Variants in HEBP2 observed in about 807,000 individuals in gnomAD.
HEBP2 encodes the protein heme-binding protein 2.
HEBP2 carries 27 observed loss-of-function variants against 23.1 expected under a neutral mutation model. That is an observed-to-expected ratio of 1.17 (90% CI 0.86 to 1.61). HEBP2 has a LOEUF of 1.61. HEBP2 is among the 40% of genes most tolerant of loss of function. The pLI is 0.00. For synonymous variants in HEBP2, 99 were observed against 95.1 expected, an observed-to-expected ratio of 1.04 and a Z score of -0.24; for missense variants, 245 against 253.8, an observed-to-expected ratio of 0.97 and a Z score of 0.24.
Position 138,420,344 on chromosome 6 carries a change from G to C in HEBP2, c.*7266G>C, listed in dbSNP as rs976159618. 6.6e-6 allele frequency: 1 copy of C among 152,208 alleles called. No individual in the cohort carries two copies. Among genetic ancestry groups the C allele is most frequent in the Non-Finnish European group, 1.5e-5 (1 of 68,058 alleles). 9.4% of individuals were successfully genotyped at this position (152,208 alleles called of 1,614,324 possible). On this transcript the variant is annotated 3_prime_UTR_variant, in exon 4 of 4. Coordinates refer to ENST00000607197, the MANE Select transcript of HEBP2 (RefSeq NM_014320.3). ...CTCCTCTTTCAACATTTATCCTCAGGAAGAGAGGTCCATTGGCGCCCTGAA... is the reference window on the plus strand; with the variant it reads ...CTCCTCTTTCAACATTTATCCTCAGCAAGAGAGGTCCATTGGCGCCCTGAA...
At position 138,406,015 on chromosome 6, in the gene HEBP2, C is replaced by A. The variant is rs1469673836; in HGVS notation, c.283C>A (p.Pro95Thr). ...AGCTCCAGTGACAAGCTACGTGGAG[C>A]CTGGTTCAGGTCCTTTTAGTGAGTC... Reference protein sequence around the residue: ...MTAPVTSYVEPGSGPFSESTI... With the variant: ...MTAPVTSYVETGSGPFSESTI... The change falls in exon 3 of 4, where the codon CCT becomes ACT. Residue 95 changes from proline to threonine, a missense_variant. Transcript: ENST00000607197. 1.2e-6 allele frequency: 2 copies of A among 1,613,800 alleles called. No individual in the cohort carries two copies. The highest frequency in any genetic ancestry group is 1.7e-5 in the Admixed American group (1 of 59,976).
At chr6:138,409,230 C>G (rs968338328) in intron 3 of HEBP2, among the ~76,000 whole-genome samples, 1 of 152,050 alleles carries the variant, frequency 6.6e-6, no homozygotes, top group Non-Finnish European at 1.5e-5. Flanking sequence ...TGCCCAGGCT[C>G]GTCTTGAACT....
At chr6:138,405,782 G>C (rs549528428) in intron 2 of HEBP2, among the ~76,000 whole-genome samples, 189 bp from the exon 3 acceptor site, 11 of 152,302 alleles carry the variant, frequency 7.2e-5, no homozygotes, top group African/African-American at 2.4e-4. Flanking sequence ...CAGTATTACA[G>C]AAAGTGGTTT....
In HEBP2 at chr6:138,413,126, C is replaced by G. The variant is rs1299175669; in HGVS notation, c.*48C>G. The G allele has an allele frequency of 7.0e-7, 1 of 1,420,274 alleles. No individual in the cohort carries two copies. The highest frequency in any genetic ancestry group is 1.4e-5 in the African/African-American group (1 of 70,770). 88.0% of individuals were successfully genotyped at this position (1,420,274 alleles called of 1,614,324 possible). On this transcript the variant is annotated 3_prime_UTR_variant, in exon 4 of 4. Coordinates refer to ENST00000607197, the MANE Select transcript of HEBP2 (RefSeq NM_014320.3). Reference sequence around the variant, plus strand: ...TGTCAGAGGCAAAACATCTGTTTATCATAGACATCAACATGACCTATAAGT... The same window carrying G: ...TGTCAGAGGCAAAACATCTGTTTATGATAGACATCAACATGACCTATAAGT...
At chr6:138,411,644 T>C (rs1774746834) in intron 3 of HEBP2, among the ~76,000 whole-genome samples, 1 of 152,214 alleles carries the variant, frequency 6.6e-6, no homozygotes. Context: ...CACAACACTT[T>C]GATCCTGTCC....
chr6:138,419,186 C>T lies in HEBP2; in HGVS notation c.*6108C>T, dbSNP rs369175077. 8.5e-5 allele frequency: 13 copies of T among 152,270 alleles called. No homozygotes were observed. Among genetic ancestry groups the T allele is most frequent in the African/African-American group, 3.1e-4 (13 of 41,532 alleles). The allele number at this position is 152,270 out of a possible 1,614,324, so 9.4% of individuals were successfully genotyped here. A position where few individuals can be genotyped will look rare whatever the true frequency, so the allele number is the denominator to read the frequency against. On this transcript the variant is annotated 3_prime_UTR_variant, in exon 4 of 4. Coordinates refer to ENST00000607197, the MANE Select transcript of HEBP2 (RefSeq NM_014320.3). ...GATGGAGGCTATGGATGGAACCCAC[C>T]AACATGGGCTCCCACTTACCAAGGC...
chr6:138,409,373 T>A (rs1236747637), intron 3 of HEBP2, among the ~76,000 whole-genome samples: 1 of 142,450 alleles, frequency 7.0e-6, no homozygotes. Context: ...TTCCTGACAA[T>A]TGATTGTCAA....
chr6:138,403,573 C>T (rs1371762213), upstream of HEBP2: 3 of 466,956 alleles, frequency 6.4e-6, no homozygotes, highest in East Asian at 3.5e-5. Flanking sequence ...GATGGGAGTC[C>T]TCTGGGGGGC....
chr6:138,412,782 C>T, intron 3 of HEBP2, 98 bp from the exon 4 acceptor site: 1 of 999,058 alleles, frequency 1.0e-6, no homozygotes, highest in Non-Finnish European at 1.5e-6. Context: ...AGCTGCACTT[C>T]ACTCAGCATT....
At position 138,416,683 on chromosome 6, in the gene HEBP2, G is replaced by A. The variant is rs540724416; in HGVS notation, c.*3605G>A. Reference sequence around the variant, plus strand: ...AACCACTAAGCTCCAAATGGCAGCCGAGGGGTCCTGACCTGTAAAGTCTCA... The same window carrying A: ...AACCACTAAGCTCCAAATGGCAGCCAAGGGGTCCTGACCTGTAAAGTCTCA... On this transcript the variant is annotated 3_prime_UTR_variant, in exon 4 of 4. Transcript: ENST00000607197. 26 of 152,366 alleles carry A rather than the reference G, an allele frequency of 1.7e-4. No individual in the cohort carries two copies. The East Asian group carries it at 1.7e-3, about 10-fold the overall frequency. 9.4% of individuals were successfully genotyped at this position (152,366 alleles called of 1,614,324 possible). A position where few individuals can be genotyped will look rare whatever the true frequency, so the allele number is the denominator to read the frequency against.
At chr6:138,412,768 T>A (rs1445237390) in intron 3 of HEBP2, 112 bp from the exon 4 acceptor site, 1 of 899,264 alleles carries the variant, frequency 1.1e-6, no homozygotes, top group African/African-American at 1.7e-5. Context: ...GGGAGTAACT[T>A]TGGAGCTGCA....
chr6:138,413,588 C>T lies in HEBP2; in HGVS notation c.*510C>T, dbSNP rs551363211. ...CTTTCCCTCCTGCATCCTCCCACTG[C>T]CCCACTGCACAAGAATACTCCATGT... On this transcript the variant is annotated 3_prime_UTR_variant, in exon 4 of 4. Coordinates refer to ENST00000607197, the MANE Select transcript of HEBP2 (RefSeq NM_014320.3). 6.5e-6 allele frequency: 1 copy of T among 154,194 alleles called. No homozygotes were observed. Among genetic ancestry groups the T allele is most frequent in the South Asian group, 2.0e-4 (1 of 4,952 alleles). 9.6% of individuals were successfully genotyped at this position (154,194 alleles called of 1,614,324 possible). A position where few individuals can be genotyped will look rare whatever the true frequency, so the allele number is the denominator to read the frequency against.
In HEBP2 at chr6:138,418,384, C is replaced by A. The variant is rs1774871029; in HGVS notation, c.*5306C>A. 1 of 152,210 alleles carries A rather than the reference C, an allele frequency of 6.6e-6. No homozygotes were observed. Among genetic ancestry groups the A allele is most frequent in the South Asian group, 2.1e-4 (1 of 4,820 alleles). 9.4% of individuals were successfully genotyped at this position (152,210 alleles called of 1,614,324 possible). A position where few individuals can be genotyped will look rare whatever the true frequency, so the allele number is the denominator to read the frequency against. On this transcript the variant is annotated 3_prime_UTR_variant, in exon 4 of 4. Coordinates refer to ENST00000607197, the MANE Select transcript of HEBP2 (RefSeq NM_014320.3). ...GGTGGTTCTAACCACAGGAGAGGATCATATGCTTTTTGAAAAACAGCCTCT... is the reference window on the plus strand; with the variant it reads ...GGTGGTTCTAACCACAGGAGAGGATAATATGCTTTTTGAAAAACAGCCTCT...
Position 138,418,685 on chromosome 6 carries a change from T to G in HEBP2, c.*5607T>G, listed in dbSNP as rs1251996004. The G allele has an allele frequency of 6.6e-6, 1 of 152,190 alleles. No homozygotes were observed. The highest frequency in any genetic ancestry group is 1.5e-5 in the Non-Finnish European group (1 of 68,056). 9.4% of individuals were successfully genotyped at this position (152,190 alleles called of 1,614,324 possible). A position where few individuals can be genotyped will look rare whatever the true frequency, so the allele number is the denominator to read the frequency against. On this transcript the variant is annotated 3_prime_UTR_variant, in exon 4 of 4. Coordinates refer to ENST00000607197, the MANE Select transcript of HEBP2 (RefSeq NM_014320.3). ...TGTGGTTGTTGGAGGACCTGTATGA[T>G]CCACTGAAGGAAGAGGAATGCTTGG...
At position 138,404,606 on chromosome 6, in the gene HEBP2, C is replaced by G. The variant is rs1774604360; in HGVS notation, c.102+9C>G. 7.9e-7 allele frequency: 1 copy of G among 1,271,908 alleles called. No individual in the cohort carries two copies. The highest frequency in any genetic ancestry group is 1.6e-5 in the African/African-American group (1 of 64,480). 78.8% of individuals were successfully genotyped at this position (1,271,908 alleles called of 1,614,324 possible). A position where few individuals can be genotyped will look rare whatever the true frequency, so the allele number is the denominator to read the frequency against. On this transcript the variant is annotated intron_variant, in intron 1 of 3. Transcript: ENST00000607197. ...AGGACGCCGGCCCCCAGGTAGGCGC[C>G]GACTCGGGAGCGGAGGGGCTGGGCC...
chr6:138,416,265 G>C lies in HEBP2; in HGVS notation c.*3187G>C, dbSNP rs1774840686. ...TGCCAGGAGATAATACAGACTCACT[G>C]CTCTAGGGCAGCTTGGTAGAAGCCT... On this transcript the variant is annotated 3_prime_UTR_variant, in exon 4 of 4. Transcript: ENST00000607197. The C allele has an allele frequency of 1.3e-5, 2 of 152,316 alleles. No individual in the cohort carries two copies. The highest frequency in any genetic ancestry group is 4.8e-5 in the African/African-American group (2 of 41,460). The allele number at this position is 152,316 out of a possible 1,614,324, so 9.4% of individuals were successfully genotyped here.
upstream of HEBP2, chr6:138,403,555 C>T: frequency 2.1e-6 from 1 of 477,364 alleles, no homozygotes. Flanking sequence ...GGAGCTCTGG[C>T]TGCCCACGAT....
rs1295214117 is a variant in HEBP2 at position 138,406,141 on chromosome 6, G to T, written c.409G>T (p.Val137Leu). The change falls in exon 3 of 4, where the codon GTG becomes TTG. Residue 137 changes from valine to leucine, a missense_variant. Coordinates refer to ENST00000607197, the MANE Select transcript of HEBP2 (RefSeq NM_014320.3). Reference protein sequence around the residue: ...VFIEDRAEMTVFVRSFDGFSS... With the variant: ...VFIEDRAEMTLFVRSFDGFSS... ...CATTGAAGATAGAGCCGAAATGACT[G>T]TGTTTGTACGGTAAGTGGTAGATAA... 6.2e-7 allele frequency: 1 copy of T among 1,613,770 alleles called. No individual in the cohort carries two copies. The highest frequency in any genetic ancestry group is 1.1e-5 in the South Asian group (1 of 90,954).
At chr6:138,405,393 TCAAA>T in intron 2 of HEBP2, 113 bp downstream of exon 2, 1 of 1,342,256 alleles carries the variant, frequency 7.5e-7, no homozygotes, top group Non-Finnish European at 1.0e-6. Flanking sequence ...AAGCAAGTCA[TCAAA>T]GACTTGTCTT....
Sources: allele counts gnomAD v4.1 joint callset (sites outside exome capture counted in the v4.1 genomes callset), GRCh38; gene constraint gnomAD v4.1.1; transcripts MANE v1.5; gene names NCBI Gene and HGNC (gene_info 2026-07-23, HGNC 2026-07-21).